Variants in ACP7 observed in about 807,000 individuals in gnomAD.
ACP7 encodes the protein acid phosphatase 7, tartrate resistant (putative).
In ACP7, 58 loss-of-function variants were observed where a neutral mutation model predicts 60.6. That is an observed-to-expected ratio of 0.96 (90% confidence interval 0.77 to 1.19). The LOEUF (loss-of-function observed/expected upper bound fraction) is 1.19. Ranked by LOEUF, ACP7 falls within the 50% of genes most tolerant of loss-of-function variation. ACP7 has a pLI of 0.00. For synonymous variants in ACP7, 237 were observed against 232.6 expected (o/e 1.02, Z -0.17); for missense variants, 574 against 596.2 (o/e 0.96, Z 0.39).
chr19:39,098,253 C>CAAAAAAAAAAAAAAA (rs59373149), intron 2 of ACP7, among the ~76,000 whole-genome samples: 32 of 64,948 alleles, frequency 4.9e-4, no homozygotes, highest in Non-Finnish European at 5.7e-4. Context: ...GACCCTGACT[C>CAAAAAAAAAAAAAAA]AAAAAAAAAA....
chr19:39,096,377 T>C (rs1042108314), intron 2 of ACP7, among the ~76,000 whole-genome samples: 3 of 152,182 alleles, frequency 2.0e-5, no homozygotes, highest in Non-Finnish European at 4.4e-5. Flanking sequence ...CACCAGTCTC[T>C]TTGCTAAAAG....
In ACP7 at chr19:39,101,512, C is replaced by T. The variant is rs199568268; in HGVS notation, c.1088C>T (p.Pro363Leu). 1.2e-6 allele frequency: 2 copies of T among 1,614,108 alleles called. No homozygotes were observed. Among genetic ancestry groups the T allele is most frequent in the Non-Finnish European group, 1.7e-6 (2 of 1,180,006 alleles). Residue 363 changes from proline (P) to leucine (L), a missense_variant, in exon 11 of 13, where the codon CCT (proline) becomes CTT (leucine). Transcript: ENST00000331256. ...REMPYTNPRG[P>L]VHIITGSAGC... The stretch of plus-strand genomic sequence containing the variant: ...ATGCCCTACACCAACCCGCGAGGGC[C>T]TGTCCACATCATCACAGGATCTGCT...
intron 2 of ACP7, among the ~76,000 whole-genome samples, chr19:39,086,852 T>C (rs1409343742): frequency 3.9e-5 from 6 of 152,176 alleles, no homozygotes; most frequent in Admixed American, 3.9e-4. Flanking sequence ...GTATTAAAAC[T>C]GAGGCATTTA....
intron 2 of ACP7, 74 bp from the exon 3 acceptor site, chr19:39,098,384 T>A: frequency 8.4e-7 from 1 of 1,190,316 alleles, no homozygotes; most frequent in East Asian, 2.6e-5. Context: ...TCAACGCCCC[T>A]CACTTTTTCT....
intron 11 of ACP7, among the ~76,000 whole-genome samples, chr19:39,103,134 G>A (rs540256147): frequency 1.1e-4 from 17 of 152,186 alleles, no homozygotes; most frequent in Admixed American, 2.0e-4. Flanking sequence ...CACTGTGCCC[G>A]GCCTTACAGT....
intron 2 of ACP7, among the ~76,000 whole-genome samples, chr19:39,092,193 T>A (rs929610767): frequency 4.6e-5 from 7 of 151,986 alleles, no homozygotes; most frequent in African/African-American, 1.7e-4. Context: ...GCCAACATGG[T>A]AAAACCCGGT....
rs529214108 is a variant in ACP7, at chr19:39,093,228, T to TTC, written c.122-5216_122-5215dup. On this transcript the variant is annotated intron_variant, in intron 2 of 12. Coordinates refer to ENST00000331256, the MANE Select transcript of ACP7 (RefSeq NM_001004318.3). ...TTTCTTTCTCTCCCTCTCTCTCTCTTTCTCTCTCTCTCTCTTTCTTTCTTT... is the reference window on the plus strand; with the variant it reads ...TTTCTTTCTCTCCCTCTCTCTCTCTTTCTCTCTCTCTCTCTCTTTCTTTCTTT... Among the ~76,000 whole-genome samples, 90 of 131,578 alleles carry TTC rather than the reference T, an allele frequency of 6.8e-4. No individual in the cohort carries two copies. In the East Asian group the frequency reaches 0.017, roughly 25 times the overall value. The allele number at this position is 131,578 out of a possible 152,430, so 86.3% of individuals were successfully genotyped here.
chr19:39,098,714 C>T, intron 3 of ACP7, 56 bp downstream of exon 3: 1 of 1,530,674 alleles, frequency 6.5e-7, no homozygotes, highest in Non-Finnish European at 8.9e-7. Flanking sequence ...GAGTGGGATG[C>T]AGACTAGAAG....
At chr19:39,103,769 A>G (rs746032404) in intron 11 of ACP7, among the ~76,000 whole-genome samples, 11 of 152,082 alleles carry the variant, frequency 7.2e-5, no homozygotes, top group Non-Finnish European at 1.6e-4. Flanking sequence ...TCAAAGCTGC[A>G]ATGAGCTGAG....
chr19:39,087,867 C>CA (rs2073162745), intron 2 of ACP7, among the ~76,000 whole-genome samples: 1 of 152,092 alleles, frequency 6.6e-6, no homozygotes, highest in Non-Finnish European at 1.5e-5. Flanking sequence ...CTCCTGACCT[C>CA]AAGTGATCCA....
chr19:39,092,771 CTTTTT>C (rs67888880), intron 2 of ACP7, among the ~76,000 whole-genome samples: 1 of 114,650 alleles, frequency 8.7e-6, no homozygotes, highest in African/African-American at 3.1e-5. Flanking sequence ...TCCCATTCCT[CTTTTT>C]TTTTTTTTTT....
intron 2 of ACP7, among the ~76,000 whole-genome samples, chr19:39,092,459 A>G (rs1010316710): frequency 6.6e-5 from 10 of 152,016 alleles, no homozygotes; most frequent in Admixed American, 6.6e-4. Flanking sequence ...GACAGCCTTT[A>G]TGCACAGTCC....
chr19:39,086,558 A>G (rs184786585), intron 2 of ACP7, among the ~76,000 whole-genome samples: 3 of 145,452 alleles, frequency 2.1e-5, no homozygotes, highest in Admixed American at 7.0e-5. Context: ...TGAGCCCAGG[A>G]GGCAAAGGTT....
chr19:39,101,623 CT>C, intron 11 of ACP7, 86 bp downstream of exon 11: 1 of 1,416,988 alleles, frequency 7.1e-7, no homozygotes, highest in Non-Finnish European at 9.7e-7. Flanking sequence ...GTGCTGGGTG[CT>C]TTATATAGTG....
Position 39,098,607 on chromosome 19 carries a change from C to G in ACP7, c.271C>G (p.Leu91Val), listed in dbSNP as rs2073299423. ...FVDGGILRRK[L>V]YIHRVTLRKL... ...GGACGGGGGCATTCTCCGGCGGAAGCTCTACATACACCGAGTCACGCTTCG... is the reference window on the plus strand; with the variant it reads ...GGACGGGGGCATTCTCCGGCGGAAGGTCTACATACACCGAGTCACGCTTCG... The change falls in exon 3 of 13, where the codon CTC becomes GTC. Residue 91 changes from leucine (L) to valine (V), a missense_variant. Leu to Val is a conservative substitution (Grantham distance 32). Transcript: ENST00000331256. 3 of 1,613,636 alleles carry G rather than the reference C, an allele frequency of 1.9e-6. No homozygotes were observed. Among genetic ancestry groups the G allele is most frequent in the Admixed American group, 1.7e-5 (1 of 59,976 alleles).
At chr19:39,091,220 T>C in intron 2 of ACP7, among the ~76,000 whole-genome samples, 1 of 151,510 alleles carries the variant, frequency 6.6e-6, no homozygotes, top group East Asian at 1.9e-4. Flanking sequence ...TGGAGTACAG[T>C]GGCGTGATCT....
chr19:39,107,578 C>CA (rs34130688), intron 12 of ACP7, among the ~76,000 whole-genome samples: 1,188 of 81,156 alleles, frequency 0.015, 25 homozygotes, highest in African/African-American at 0.031. Context: ...GACTCTGTCT[C>CA]AAAAAAAAAA....
intron 2 of ACP7, among the ~76,000 whole-genome samples, chr19:39,096,036 G>T (rs993695533): frequency 6.6e-6 from 1 of 152,216 alleles, no homozygotes; most frequent in African/African-American, 2.4e-5. Flanking sequence ...AGACCTCTGG[G>T]TCTGAGATGG....
intron 3 of ACP7, 141 bp downstream of exon 3, chr19:39,098,799 G>A: frequency 7.4e-7 from 1 of 1,353,340 alleles, no homozygotes; most frequent in Non-Finnish European, 9.9e-7. Flanking sequence ...TGAGACCCCA[G>A]GATGAAAACG....
Sources: gnomAD v4.1 joint callset for allele counts (sites outside exome capture counted in the v4.1 genomes callset) on GRCh38, gnomAD v4.1.1 for gene constraint, MANE v1.5 for transcripts, NCBI Gene and HGNC (gene_info 2026-07-23, HGNC 2026-07-21) for gene names.